Variants in SOX6 observed in about 807,000 individuals in gnomAD.
SOX6 encodes transcription factor SOX-6.
In SOX6, 11 loss-of-function variants were observed where a neutral mutation model predicts 97.8. The ratio of observed to expected loss-of-function variants is 0.11; its 90% CI spans 0.07 to 0.19. The LOEUF (loss-of-function observed/expected upper bound fraction) is 0.19, where lower values mean the gene tolerates loss of function less well. Ranked by LOEUF, SOX6 falls within the 10% of genes least tolerant of loss-of-function variation. The pLI is 1.00. For missense variants in SOX6, 810 were observed against 1,039.5 expected (o/e 0.78, Z 3.04); for synonymous variants, 360 against 371.4 (o/e 0.97, Z 0.35).
intron 4 of SOX6, among the ~76,000 whole-genome samples, chr11:16,549,174 A>G (rs1847651650): frequency 6.6e-6 from 1 of 152,124 alleles, no homozygotes; most frequent in African/African-American, 2.4e-5. Flanking sequence ...ATAACTAAAA[A>G]AAATTTTTTT....
intron 1 of SOX6, 93 bp from the exon 2 acceptor site, chr11:16,341,345 G>C: frequency 4.7e-6 from 7 of 1,502,952 alleles, no homozygotes; most frequent in Non-Finnish European, 5.4e-6. Context: ...AAGAAGGAAA[G>C]TTATTTAACT....
intron 2 of SOX6, among the ~76,000 whole-genome samples, chr11:16,733,761 T>G (rs1000338575): frequency 1.2e-4 from 17 of 145,612 alleles, no homozygotes; most frequent in African/African-American, 4.3e-4. Context: ...GCACGGTGGC[T>G]CACGTCTGTA....
intron 6 of SOX6, among the ~76,000 whole-genome samples, chr11:16,148,818 CTT>C (rs911124646): frequency 5.6e-4 from 85 of 152,210 alleles, no homozygotes; most frequent in African/African-American, 2.0e-3. Flanking sequence ...CAATTTCCCT[CTT>C]GTCCTCAATT....
At chr11:16,128,938 G>A (rs1419395396) in intron 6 of SOX6, among the ~76,000 whole-genome samples, 6 of 151,738 alleles carry the variant, frequency 4.0e-5, no homozygotes, top group Non-Finnish European at 5.9e-5. Flanking sequence ...TCGGCTCACC[G>A]CAACCTCCAC....
At chr11:15,994,229 G>A (rs1419466232) in intron 13 of SOX6, among the ~76,000 whole-genome samples, 1 of 152,132 alleles carries the variant, frequency 6.6e-6, no homozygotes, top group African/African-American at 2.4e-5. Context: ...AATTGGAGTG[G>A]ACAGAGATGA....
chr11:16,211,986 T>G (rs1852245751), intron 4 of SOX6, among the ~76,000 whole-genome samples: 1 of 152,146 alleles, frequency 6.6e-6, no homozygotes, highest in Non-Finnish European at 1.5e-5. Context: ...GAGTTCTCTT[T>G]TAGACATATT....
At chr11:16,594,684 CTTT>C (rs10653599) in intron 4 of SOX6, among the ~76,000 whole-genome samples, 1 of 68,266 alleles carries the variant, frequency 1.5e-5, no homozygotes, top group Non-Finnish European at 2.4e-5. Context: ...TCGGTTTTTG[CTTT>C]TTTTTTTTTT....
chr11:16,239,914 C>T (rs1048329198), intron 3 of SOX6, among the ~76,000 whole-genome samples: 2 of 151,980 alleles, frequency 1.3e-5, no homozygotes, highest in African/African-American at 4.8e-5. Context: ...GCATTTATGC[C>T]TAGCAATGAA....
At chr11:16,299,653 C>A (rs950995819) in intron 3 of SOX6, among the ~76,000 whole-genome samples, 28 of 152,098 alleles carry the variant, frequency 1.8e-4, no homozygotes, top group African/African-American at 6.0e-4. Flanking sequence ...ACAAAATCTG[C>A]GTATGTATTG....
At chr11:16,042,748 G>A (rs1428959554) in intron 12 of SOX6, among the ~76,000 whole-genome samples, 1 of 152,088 alleles carries the variant, frequency 6.6e-6, no homozygotes, top group Non-Finnish European at 1.5e-5. Context: ...ATATACTTCA[G>A]AGGCAAGTAA....
At chr11:16,585,193 C>T (rs959591956) in intron 4 of SOX6, among the ~76,000 whole-genome samples, 13 of 152,186 alleles carry the variant, frequency 8.5e-5, no homozygotes, top group African/African-American at 2.4e-5. Context: ...GATTAGTTCA[C>T]ATTACGTTTC....
At chr11:16,010,918 G>A (rs939807083) in intron 13 of SOX6, among the ~76,000 whole-genome samples, 1 of 151,944 alleles carries the variant, frequency 6.6e-6, no homozygotes, top group African/African-American at 2.4e-5. Context: ...GTTTTATCAA[G>A]ATTCTAATAA....
At chr11:16,005,257 A>G (rs1476775000) in intron 13 of SOX6, among the ~76,000 whole-genome samples, 1 of 152,014 alleles carries the variant, frequency 6.6e-6, no homozygotes, top group East Asian at 1.9e-4. Context: ...AATGCTAAAA[A>G]TATATTTCAA....
intron 4 of SOX6, among the ~76,000 whole-genome samples, chr11:16,571,124 T>C (rs1847933754): frequency 6.6e-6 from 1 of 152,212 alleles, no homozygotes; most frequent in Non-Finnish European, 1.5e-5. Flanking sequence ...CTGTTGCTTC[T>C]ACTGAATTGT....
At chr11:16,394,986 C>A (rs1858305081) in intron 1 of SOX6, among the ~76,000 whole-genome samples, 1 of 151,816 alleles carries the variant, frequency 6.6e-6, no homozygotes, top group Non-Finnish European at 1.5e-5. Flanking sequence ...AACATTTCTA[C>A]CGCCATCCGC....
chr11:16,688,003 C>G (rs1028025408), intron 3 of SOX6, among the ~76,000 whole-genome samples: 5 of 152,092 alleles, frequency 3.3e-5, no homozygotes, highest in Admixed American at 3.3e-4. Context: ...CACAGGGTCT[C>G]ACTCTGTCAT....
chr11:16,664,810 G>A (rs1391895995), intron 3 of SOX6, among the ~76,000 whole-genome samples: 1 of 151,890 alleles, frequency 6.6e-6, no homozygotes, highest in African/African-American at 2.4e-5. Context: ...TTGAGGAAAA[G>A]AGAGCAAAGG....
rs1589986890 is a variant in SOX6, at chr11:16,563,484, C to A, written n.609+48597G>T. Among the ~76,000 whole-genome samples the A allele has an allele frequency of 2.6e-5, 4 of 151,932 alleles. No individual in the cohort carries two copies. In the East Asian group the frequency reaches 7.7e-4, roughly 29 times the overall value. The stretch of plus-strand genomic sequence containing the variant: ...AAACAAACAAACAAAAATAGAAGCT[C>A]AATAGAAGGGCTCAATTGTAGAATG... On this transcript the variant is annotated intron_variant and non_coding_transcript_variant, in intron 4 of 5. Coordinates refer to the SOX6 transcript ENST00000524520.
chr11:16,512,945 A>G (rs1198552191), intron 4 of SOX6, among the ~76,000 whole-genome samples: 4 of 152,248 alleles, frequency 2.6e-5, no homozygotes, highest in African/African-American at 9.6e-5. Flanking sequence ...CAATAGTCTC[A>G]ACATCAGTAC....
Sources: gnomAD v4.1 joint callset for allele counts (sites outside exome capture counted in the v4.1 genomes callset) on GRCh38, gnomAD v4.1.1 for gene constraint, MANE v1.5 for transcripts, NCBI Gene and HGNC (gene_info 2026-07-23, HGNC 2026-07-21) for gene names.